Variants in EML4 observed in about 807,000 individuals in gnomAD.
EML4 encodes EMAP like 4, also known as echinoderm microtubule-associated protein-like 4.
A neutral mutation model predicts 129.0 loss-of-function variants in EML4; 72 were observed. That is an observed-to-expected ratio of 0.56 (90% confidence interval 0.46 to 0.68). The LOEUF is 0.68. Among genes scored for constraint, EML4 ranks in the 30% least tolerant of loss-of-function variants. The pLI is 0.00. For missense variants in EML4, 1,363 were observed against 1,190.6 expected (o/e 1.14, Z -2.13); for synonymous variants, 532 against 405.0 (o/e 1.31, Z -3.77).
chr2:42,240,818 G>A lies in EML4; in HGVS notation c.26-4687G>A, dbSNP rs550425376. Among the ~76,000 whole-genome samples the A allele has an allele frequency of 1.6e-3, 246 of 152,226 alleles. 1 individual carries two copies. The highest frequency in any genetic ancestry group is 5.7e-3 in the African/African-American group (235 of 41,540). Reference sequence around the variant, plus strand: ...ACCAGTTCACATGAGTAAATTACACGTGAAGAAAGCAGTCACAGAGTTGGT... The same window carrying A: ...ACCAGTTCACATGAGTAAATTACACATGAAGAAAGCAGTCACAGAGTTGGT... On this transcript the variant is annotated intron_variant, in intron 1 of 22. Transcript: ENST00000318522.
At chr2:42,221,312 G>T (rs573185683) in intron 1 of EML4, among the ~76,000 whole-genome samples, 7 of 151,842 alleles carry the variant, frequency 4.6e-5, no homozygotes, top group Admixed American at 4.6e-4. Flanking sequence ...AAATCCTAGG[G>T]CCTTGGGATT....
chr2:42,246,196 T>G (rs1675391942), intron 2 of EML4, among the ~76,000 whole-genome samples: 1 of 152,214 alleles, frequency 6.6e-6, no homozygotes, highest in South Asian at 2.1e-4. Context: ...TTTCCAGTAT[T>G]GGGAGTTTTC....
intron 1 of EML4, among the ~76,000 whole-genome samples, chr2:42,183,501 C>A (rs995873799): frequency 6.6e-6 from 1 of 152,166 alleles, no homozygotes; most frequent in Non-Finnish European, 1.5e-5. Flanking sequence ...CAGGTAGTTA[C>A]AACATTGATA....
At chr2:42,209,284 TACTTTA>T (rs200234740) in intron 1 of EML4, among the ~76,000 whole-genome samples, 1,544 of 152,306 alleles carry the variant, frequency 0.01, 29 homozygotes, top group African/African-American at 0.036. Flanking sequence ...AGCAGAAGTG[TACTTTA>T]ACTTTCTTTC....
At chr2:42,301,498 T>A in intron 14 of EML4, 106 bp downstream of exon 14, 14 of 892,906 alleles carry the variant, frequency 1.6e-5, no homozygotes, top group Non-Finnish European at 1.7e-5. Context: ...TAAATTCTTA[T>A]AATTTCATTT....
intron 3 of EML4, among the ~76,000 whole-genome samples, chr2:42,260,153 C>G (rs1053436323): frequency 6.6e-6 from 1 of 151,596 alleles, no homozygotes; most frequent in Non-Finnish European, 1.5e-5. Flanking sequence ...GTGTGAGCCA[C>G]CACACCCGGG....
At chr2:42,287,976 G>C (rs1667403483) in intron 10 of EML4, among the ~76,000 whole-genome samples, 1 of 152,116 alleles carries the variant, frequency 6.6e-6, no homozygotes, top group African/African-American at 2.4e-5. Context: ...TAATAGGAGT[G>C]ACTAGATGGC....
chr2:42,225,638 A>T (rs1231230166), intron 1 of EML4, among the ~76,000 whole-genome samples: 2 of 152,140 alleles, frequency 1.3e-5, no homozygotes, highest in African/African-American at 4.8e-5. Context: ...TTATCCAAGG[A>T]TGTGTGAAAT....
At chr2:42,327,493 G>T (rs370111563) in intron 21 of EML4, among the ~76,000 whole-genome samples, 4 of 152,170 alleles carry the variant, frequency 2.6e-5, no homozygotes, top group Admixed American at 2.0e-4. Flanking sequence ...CCATGTCCTT[G>T]TCAGTGTATT....
chr2:42,245,792 T>G, intron 2 of EML4, 105 bp downstream of exon 2: 1 of 1,066,942 alleles, frequency 9.4e-7, no homozygotes, highest in Non-Finnish European at 1.3e-6. Context: ...TTACTTGTGA[T>G]TATAGTTTGT....
In EML4 at chr2:42,285,477, G is replaced by A. The variant is rs536062040; in HGVS notation, c.1011+774G>A. Among the ~76,000 whole-genome samples the A allele has an allele frequency of 2.0e-5, 3 of 152,128 alleles. No individual in the cohort carries two copies. The East Asian group carries it at 5.8e-4, about 29-fold the overall frequency. ...AATGCTATTTAAGGGCTGTTTAGCA[G>A]TTTATTGGACATTGATAAAATGTGT... On this transcript the variant is annotated intron_variant, in intron 9 of 22. Transcript: ENST00000318522.
chr2:42,171,011 G>A (rs1325522692), intron 1 of EML4, among the ~76,000 whole-genome samples: 1 of 152,202 alleles, frequency 6.6e-6, no homozygotes, highest in East Asian at 1.9e-4. Context: ...TGCTTTCAGA[G>A]TGGAAATCCT....
At chr2:42,181,270 A>G (rs80208290) in intron 1 of EML4, among the ~76,000 whole-genome samples, 18,404 of 152,118 alleles carry the variant, frequency 0.12, 1,179 homozygotes, top group Middle Eastern at 0.24. Context: ...TTATATCTGT[A>G]TGGACTCAGG....
At position 42,329,909 on chromosome 2, in the gene EML4, A is replaced by C; in HGVS notation, c.2648A>C (p.Lys883Thr). The C allele has an allele frequency of 1.2e-6, 2 of 1,613,860 alleles. No individual in the cohort carries two copies. Among genetic ancestry groups the C allele is most frequent in the Non-Finnish European group, 8.5e-7 (1 of 1,179,968 alleles). Residue 883 changes from lysine (K) to threonine (T), a missense_variant, in exon 23 of 23, where the codon AAA becomes ACA. Transcript: ENST00000318522. Reference protein sequence around the residue: ...NETVADTTLTKAPVSSTESVI... With the variant: ...NETVADTTLTTAPVSSTESVI... ...ACTGTAGCGGATACTACTCTAACCA[A>C]AGCCCCCGTCTCTTCCACTGAAAGT...
rs79508909 is a variant in EML4, at chr2:42,264,798, G to T, written c.667+67G>T. ...TAGTTTAATTTTTGCTAATTGAAAA[G>T]AATATTTTCATCCAGTGCACTTTAT... On this transcript the variant is annotated intron_variant, in intron 6 of 22. Transcript: ENST00000318522. 6.4e-6 allele frequency: 9 copies of T among 1,412,392 alleles called. No individual in the cohort carries two copies. In the East Asian group the frequency reaches 1.7e-4, roughly 26 times the overall value. The allele number at this position is 1,412,392 out of a possible 1,614,324, so 87.5% of individuals were successfully genotyped here. A position where few individuals can be genotyped will look rare whatever the true frequency, so the allele number is the denominator to read the frequency against.
At chr2:42,243,534 A>T (rs1343054695) in intron 1 of EML4, among the ~76,000 whole-genome samples, 1 of 152,178 alleles carries the variant, frequency 6.6e-6, no homozygotes, top group Non-Finnish European at 1.5e-5. Flanking sequence ...AAACAATCCT[A>T]TTTAAAGGTG....
intron 1 of EML4, among the ~76,000 whole-genome samples, chr2:42,174,157 C>T (rs542320171): frequency 8.4e-4 from 128 of 151,940 alleles, no homozygotes; most frequent in Admixed American, 1.7e-3. Context: ...TGTAAAACTT[C>T]AATATTCATA....
intron 1 of EML4, among the ~76,000 whole-genome samples, chr2:42,245,294 C>G (rs945011159): frequency 6.6e-6 from 1 of 151,158 alleles, no homozygotes; most frequent in South Asian, 2.1e-4. Context: ...CGGGGTTTCA[C>G]CATGTTGGCC....
intron 14 of EML4, among the ~76,000 whole-genome samples, chr2:42,302,661 G>A (rs1223604648): frequency 6.6e-6 from 1 of 151,706 alleles, no homozygotes. Flanking sequence ...AGCCTCCTCA[G>A]TAGCTGGGAT....
Sources: allele counts gnomAD v4.1 joint callset (sites outside exome capture counted in the v4.1 genomes callset), GRCh38; gene constraint gnomAD v4.1.1; transcripts MANE v1.5; gene names NCBI Gene and HGNC (gene_info 2026-07-23, HGNC 2026-07-21).